Variants in LTBP1 observed in about 807,000 individuals in gnomAD.
The protein encoded by LTBP1 is latent-transforming growth factor beta-binding protein 1.
LTBP1 carries 129 observed loss-of-function variants against 207.6 expected under a neutral mutation model. The observed-to-expected ratio is 0.62, with a 90% CI of 0.54 to 0.72. LTBP1 has a LOEUF of 0.72. Among genes scored for constraint, LTBP1 ranks in the 30% least tolerant of loss-of-function variants. The pLI, the probability that LTBP1 is intolerant of heterozygous loss-of-function variation, is 0.00. For missense variants in LTBP1, 2,281 were observed against 2,217.2 expected (o/e 1.03, Z -0.58); for synonymous variants, 963 against 833.7 (o/e 1.16, Z -2.67).
At chr2:33,326,784 C>A (rs1573853521) in intron 24 of LTBP1, among the ~76,000 whole-genome samples, 1 of 151,824 alleles carries the variant, frequency 6.6e-6, no homozygotes, top group South Asian at 2.1e-4. Flanking sequence ...TCAGCCTCCC[C>A]AGTAGCTGGG....
At chr2:33,236,927 G>C (rs2092079679) in intron 9 of LTBP1, among the ~76,000 whole-genome samples, 1 of 152,188 alleles carries the variant, frequency 6.6e-6, no homozygotes, top group Admixed American at 6.5e-5. Flanking sequence ...AGAAGAATTG[G>C]AAGGAAAGGA....
chr2:33,298,873 T>C (rs1328034340), intron 20 of LTBP1, among the ~76,000 whole-genome samples: 2 of 152,224 alleles, frequency 1.3e-5, no homozygotes, highest in African/African-American at 4.8e-5. Context: ...TTCAGGAAAC[T>C]ATGTCAGTAT....
At chr2:33,073,152 A>G (rs2077887922) in intron 3 of LTBP1, among the ~76,000 whole-genome samples, 1 of 152,186 alleles carries the variant, frequency 6.6e-6, no homozygotes, top group Non-Finnish European at 1.5e-5. Context: ...TGAGGAGTGA[A>G]TAGGAGATGA....
intron 3 of LTBP1, among the ~76,000 whole-genome samples, chr2:33,082,623 C>T (rs1224887383): frequency 1.3e-5 from 2 of 151,832 alleles, no homozygotes; most frequent in Admixed American, 6.6e-5. Flanking sequence ...GATGGGGTTT[C>T]ACCACGTTAG....
At chr2:33,035,143 T>C (rs2075861185) in intron 3 of LTBP1, among the ~76,000 whole-genome samples, 1 of 152,218 alleles carries the variant, frequency 6.6e-6, no homozygotes, top group South Asian at 2.1e-4. Flanking sequence ...TTCTATTCTC[T>C]TGTGATTTTA....
intron 5 of LTBP1, among the ~76,000 whole-genome samples, chr2:33,161,450 G>A (rs1421406467): frequency 6.6e-6 from 1 of 152,018 alleles, no homozygotes; most frequent in African/African-American, 2.4e-5. Context: ...TGTATTTTCA[G>A]TAGAGATGGG....
At chr2:33,305,498 G>A (rs1240834745) in intron 22 of LTBP1, among the ~76,000 whole-genome samples, 4 of 152,180 alleles carry the variant, frequency 2.6e-5, no homozygotes. Flanking sequence ...TATGGGTAGA[G>A]CATTCAGTTC....
chr2:33,089,039 C>A (rs1368332554), intron 3 of LTBP1, among the ~76,000 whole-genome samples: 2 of 151,066 alleles, frequency 1.3e-5, no homozygotes, highest in Non-Finnish European at 2.9e-5. Context: ...GCCTGTAATC[C>A]CAGCTACTCG....
intron 5 of LTBP1, among the ~76,000 whole-genome samples, chr2:33,147,640 G>T (rs913735031): frequency 1.3e-5 from 2 of 152,218 alleles, no homozygotes; most frequent in Admixed American, 6.5e-5. Context: ...TCCTGCTCCT[G>T]TGAGGGCTGA....
intron 32 of LTBP1, 145 bp downstream of exon 32, chr2:33,389,451 C>T: frequency 1.8e-6 from 2 of 1,120,056 alleles, no homozygotes; most frequent in Non-Finnish European, 2.5e-6. Context: ...AGGGTGGGAC[C>T]CAGCCATCTT....
At chr2:33,390,074 C>G (rs1395145205) in intron 32 of LTBP1, among the ~76,000 whole-genome samples, 2 of 152,106 alleles carry the variant, frequency 1.3e-5, no homozygotes, top group Non-Finnish European at 2.9e-5. Flanking sequence ...GTTAACTGTA[C>G]AAGTTGATCA....
chr2:33,278,722 T>C (rs1452759284), intron 18 of LTBP1, among the ~76,000 whole-genome samples: 1 of 152,196 alleles, frequency 6.6e-6, no homozygotes, highest in African/African-American at 2.4e-5. Context: ...TTCTATTTTT[T>C]TGAAATATCC....
At chr2:32,990,321 A>G (rs1684215220) in intron 2 of LTBP1, among the ~76,000 whole-genome samples, 1 of 152,194 alleles carries the variant, frequency 6.6e-6, no homozygotes, top group African/African-American at 2.4e-5. Flanking sequence ...GCTCACATTT[A>G]ATTTTCAGAT....
At chr2:33,012,745 G>C (rs1687844977) in intron 2 of LTBP1, among the ~76,000 whole-genome samples, 1 of 152,110 alleles carries the variant, frequency 6.6e-6, no homozygotes, top group Non-Finnish European at 1.5e-5. Context: ...ATTTAGAAAG[G>C]TATTGTCTTC....
intron 4 of LTBP1, among the ~76,000 whole-genome samples, chr2:33,129,061 C>G (rs111408363): frequency 2.6e-5 from 4 of 152,164 alleles, no homozygotes; most frequent in African/African-American, 9.6e-5. Flanking sequence ...CAGCCTGGAA[C>G]AGAGACACCT....
At chr2:33,270,293 T>A (rs2093288367) in intron 15 of LTBP1, among the ~76,000 whole-genome samples, 1 of 151,966 alleles carries the variant, frequency 6.6e-6, no homozygotes, top group Non-Finnish European at 1.5e-5. Flanking sequence ...ATGGTTGTTT[T>A]CTGTCTGCCT....
In LTBP1 at chr2:33,135,000, G is replaced by A. The variant is rs559418648; in HGVS notation, c.1201+40G>A. On this transcript the variant is annotated intron_variant, in intron 5 of 33. Coordinates refer to ENST00000404816, the MANE Select transcript of LTBP1 (RefSeq NM_206943.4). This position sits in a 1 kb window ranked among gnomAD's most constrained non-coding sequence, Gnocchi z 4.4. The stretch of plus-strand genomic sequence containing the variant: ...GGTCCCTAACTGTCCTTACTGAGTC[G>A]AGTTTTATGAGATTGTAGCATTTAG... 1.5e-5 allele frequency: 23 copies of A among 1,530,862 alleles called. No homozygotes were observed. The Admixed American group carries it at 3.7e-4, about 24-fold the overall frequency. 94.8% of individuals were successfully genotyped at this position (1,530,862 alleles called of 1,614,324 possible).
intron 5 of LTBP1, among the ~76,000 whole-genome samples, chr2:33,167,717 G>A (rs1279225873): frequency 6.6e-6 from 1 of 152,218 alleles, no homozygotes; most frequent in East Asian, 1.9e-4. Context: ...GTATACAACC[G>A]TGTATGGAGG....
intron 3 of LTBP1, among the ~76,000 whole-genome samples, chr2:33,070,911 T>A (rs1311573599): frequency 1.3e-5 from 2 of 152,234 alleles, no homozygotes; most frequent in Non-Finnish European, 2.9e-5. Context: ...TTCATTTCTC[T>A]GGGCATTTCC....
Sources: allele counts gnomAD v4.1 joint callset (sites outside exome capture counted in the v4.1 genomes callset), GRCh38; gene constraint gnomAD v4.1.1; non-coding constraint Gnocchi (gnomAD v3.1); transcripts MANE v1.5; gene names NCBI Gene and HGNC (gene_info 2026-07-23, HGNC 2026-07-21).